FAM170A: variants seen among roughly 807,000 people sequenced by gnomAD.
The protein encoded by FAM170A is family with sequence similarity 170 member A.
In FAM170A, 28 loss-of-function variants were observed where a neutral mutation model predicts 36.6. That is an observed-to-expected ratio of 0.76 (90% CI 0.57 to 1.05). The LOEUF (loss-of-function observed/expected upper bound fraction) is 1.05, where lower values mean the gene tolerates loss of function less well. FAM170A is among the 50% of genes least tolerant of loss of function. The probability of loss-of-function intolerance (pLI) is 0.00; values close to 1 mark genes in which losing one functional copy is unlikely to be tolerated. For synonymous variants in FAM170A, 156 were observed against 143.9 expected (o/e 1.08, Z -0.60); for missense variants, 434 against 396.5 (o/e 1.09, Z -0.80).
Position 119,632,972 on chromosome 5 carries a change from T to A in FAM170A, c.211+84T>A, listed in dbSNP as rs1341476839. 3.9e-5 allele frequency: 56 copies of A among 1,429,220 alleles called. No individual in the cohort carries two copies. In the Admixed American group the frequency reaches 7.1e-4, roughly 18 times the overall value. The allele number at this position is 1,429,220 out of a possible 1,614,324, so 88.5% of individuals were successfully genotyped here. A position where few individuals can be genotyped will look rare whatever the true frequency, so the allele number is the denominator to read the frequency against. The stretch of plus-strand genomic sequence containing the variant: ...GAAAATATTTGAGTGTGGGGCTCTG[T>A]GGGCATGAGACTCTTTGGTTGCAGT... On this transcript the variant is annotated intron_variant, in intron 2 of 4. Coordinates refer to ENST00000613773, the Ensembl canonical transcript of FAM170A.
intron 3 of FAM170A, 141 bp from the exon 4 acceptor site, chr5:119,634,887 G>T: frequency 1.6e-6 from 2 of 1,264,674 alleles, no homozygotes; most frequent in East Asian, 2.4e-5. Context: ...TGGGATCCCT[G>T]CTTCTTGCCT....
At chr5:119,633,854 A>G in intron 2 of FAM170A, 106 bp from the exon 3 acceptor site, 8 of 1,402,670 alleles carry the variant, frequency 5.7e-6, no homozygotes, top group Non-Finnish European at 7.8e-6. Flanking sequence ...ACACAGCTGC[A>G]TCTCACCACA....
chr5:119,631,174 C>T (rs963519009), intron 1 of FAM170A, among the ~76,000 whole-genome samples: 2 of 152,300 alleles, frequency 1.3e-5, no homozygotes, highest in South Asian at 4.1e-4. Flanking sequence ...ATGCAGGAGA[C>T]AGGGCAGAAA....
At chr5:119,629,968 T>C in intron 1 of FAM170A, 130 bp downstream of exon 1, 1 of 617,312 alleles carries the variant, frequency 1.6e-6, no homozygotes, top group Non-Finnish European at 2.8e-6. Flanking sequence ...CTTGGCTCAC[T>C]GAAAGCTCTG....
intron 1 of FAM170A, among the ~76,000 whole-genome samples, chr5:119,631,912 A>C (rs1756260318): frequency 6.6e-6 from 1 of 152,198 alleles, no homozygotes; most frequent in African/African-American, 2.4e-5. Context: ...TCCCCTTATT[A>C]GGGTTGCCGG....
chr5:119,630,304 G>A (rs2561518), intron 1 of FAM170A, among the ~76,000 whole-genome samples: 100,024 of 143,770 alleles, frequency 0.7, 34,914 homozygotes, highest in South Asian at 0.77. Flanking sequence ...ATAGGCGCCC[G>A]CCACCACGCC....
At chr5:119,633,917 C>T (rs373799348) in intron 2 of FAM170A, 43 bp from the exon 3 acceptor site, 64 of 1,576,118 alleles carry the variant, frequency 4.1e-5, no homozygotes, top group Non-Finnish European at 5.4e-5. Flanking sequence ...CAGCTCCTAG[C>T]ATGGCCCATG....
At chr5:119,634,876 C>T (rs1580766571) in intron 3 of FAM170A, 142 bp downstream of exon 3, 1 of 1,234,904 alleles carries the variant, frequency 8.1e-7, no homozygotes, top group East Asian at 2.4e-5. Flanking sequence ...GGGGACATAA[C>T]TGGGATCCCT....
intron 4 of FAM170A, among the ~76,000 whole-genome samples, chr5:119,635,356 T>C (rs544002710): frequency 1.3e-5 from 2 of 152,196 alleles, no homozygotes; most frequent in East Asian, 3.8e-4. Context: ...AAGCTCAGTG[T>C]AACCTCAAGG....
At chr5:119,631,814 A>T (rs1756257837) in intron 1 of FAM170A, among the ~76,000 whole-genome samples, 1 of 152,138 alleles carries the variant, frequency 6.6e-6, no homozygotes, top group African/African-American at 2.4e-5. Flanking sequence ...AGCCAGTCAC[A>T]CATCATACAT....
At chr5:119,634,659 CAGA>C (rs1561525194) in exon 3 of FAM170A, 7 of 1,596,170 alleles carry the variant, frequency 4.4e-6, no homozygotes, top group Non-Finnish European at 5.1e-6. Context: ...GGGCAGCCCA[CAGA>C]AGAAGACCTT....
At chr5:119,633,272 A>G (rs1756295340) in intron 2 of FAM170A, among the ~76,000 whole-genome samples, 1 of 152,146 alleles carries the variant, frequency 6.6e-6, no homozygotes, top group African/African-American at 2.4e-5. Context: ...GCAGTTGGAT[A>G]TGATCAGAGC....
At chr5:119,631,388 C>G (rs918617346) in intron 1 of FAM170A, among the ~76,000 whole-genome samples, 5 of 152,048 alleles carry the variant, frequency 3.3e-5, no homozygotes, top group Non-Finnish European at 7.4e-5. Context: ...GTTTTGTCTG[C>G]CTGTGTGTGT....
chr5:119,629,906 T>G, intron 1 of FAM170A, 68 bp downstream of exon 1: 3 of 1,301,860 alleles, frequency 2.3e-6, no homozygotes, highest in Non-Finnish European at 3.3e-6. Context: ...TCTTTTTCTT[T>G]TTTGAGACGG....
At chr5:119,632,912 C>CAAGGA in intron 2 of FAM170A, 24 bp downstream of exon 2, 2 of 1,555,256 alleles carry the variant, frequency 1.3e-6, no homozygotes, top group South Asian at 2.4e-5. Context: ...GTTCCTTCGG[C>CAAGGA]ACGTGGCTCC....
At chr5:119,634,330 T>G (rs1580766045) in exon 3 of FAM170A, 1 of 1,613,932 alleles carries the variant, frequency 6.2e-7, no homozygotes, top group Non-Finnish European at 8.5e-7. Flanking sequence ...AGAAAGAGCA[T>G]GAGGAAAGGA....
intron 1 of FAM170A, among the ~76,000 whole-genome samples, chr5:119,631,163 C>G (rs1467692416): frequency 6.6e-6 from 1 of 152,196 alleles, no homozygotes; most frequent in African/African-American, 2.4e-5. Flanking sequence ...GGGATGCTCA[C>G]ATGCAGGAGA....
chr5:119,630,146 C>T (rs1378847055), intron 1 of FAM170A, among the ~76,000 whole-genome samples: 1 of 83,688 alleles, frequency 1.2e-5, no homozygotes, highest in African/African-American at 5.7e-5. Context: ...CTGCCTCGGC[C>T]TCCTTTTTTT....
chr5:119,630,149 C>CTTTTT (rs35312547), intron 1 of FAM170A, among the ~76,000 whole-genome samples: 2 of 85,240 alleles, frequency 2.3e-5, no homozygotes, highest in African/African-American at 4.6e-5. Context: ...CCTCGGCCTC[C>CTTTTT]TTTTTTTTTT....
Sources: gnomAD v4.1 joint callset for allele counts (sites outside exome capture counted in the v4.1 genomes callset) on GRCh38, gnomAD v4.1.1 for gene constraint, MANE v1.5 for transcripts, NCBI Gene and HGNC (gene_info 2026-07-23, HGNC 2026-07-21) for gene names.